ZNF385D: variants seen among roughly 807,000 people sequenced by gnomAD.
ZNF385D encodes the protein zinc finger protein 659.
In ZNF385D, 15 loss-of-function variants were observed where a neutral mutation model predicts 35.8. The ratio of observed to expected loss-of-function variants is 0.42; its 90% CI spans 0.28 to 0.64. ZNF385D has a LOEUF of 0.64. Among genes scored for constraint, ZNF385D ranks in the 30% least tolerant of loss-of-function variants. The pLI is 0.23. For synonymous variants in ZNF385D, 212 were observed against 186.8 expected (o/e 1.13, Z -1.10); for missense variants, 474 against 494.6 (o/e 0.96, Z 0.39).
chr3:22,043,383 C>A (rs550620447), intron 3 of ZNF385D, among the ~76,000 whole-genome samples: 2 of 152,078 alleles, frequency 1.3e-5, no homozygotes, highest in South Asian at 4.1e-4. Context: ...CGTACTGAAA[C>A]CATGCATGCT....
intron 1 of ZNF385D, among the ~76,000 whole-genome samples, chr3:21,679,796 G>A (rs1183710370): frequency 2.0e-5 from 3 of 152,060 alleles, no homozygotes; most frequent in Admixed American, 6.6e-5. Context: ...GATTGACCTC[G>A]ATAGAACTGT....
At chr3:21,574,314 C>T (rs6773387) in intron 2 of ZNF385D, among the ~76,000 whole-genome samples, 136,056 of 152,044 alleles carry the variant, frequency 0.89, 61,080 homozygotes, top group African/African-American at 0.97. Context: ...GAATAAAGTC[C>T]GCAAATTCCT....
chr3:21,684,888 G>A (rs2067054968), intron 1 of ZNF385D, among the ~76,000 whole-genome samples: 1 of 152,134 alleles, frequency 6.6e-6, no homozygotes, highest in African/African-American at 2.4e-5. Flanking sequence ...AAACTGGAGT[G>A]CTTCTTAGGA....
At chr3:22,079,321 C>T (rs984551674) in intron 3 of ZNF385D, among the ~76,000 whole-genome samples, 2 of 151,784 alleles carry the variant, frequency 1.3e-5, no homozygotes, top group Non-Finnish European at 2.9e-5. Flanking sequence ...CAAGGTGTTA[C>T]TGAAAAATAT....
intron 3 of ZNF385D, among the ~76,000 whole-genome samples, chr3:22,083,394 T>G (rs749841797): frequency 2.0e-5 from 3 of 152,138 alleles, no homozygotes; most frequent in Non-Finnish European, 2.9e-5. Context: ...TTAAATGACC[T>G]GATGGAGCTG....
In ZNF385D at chr3:21,927,770, T is replaced by C. The variant is rs181381616; in HGVS notation, c.325+241047A>G. On this transcript the variant is annotated intron_variant, in intron 3 of 5. Coordinates refer to the ZNF385D transcript ENST00000494108. ...TTATAATAAACTAGGGGACATTTTATTAGGGAGCTACACATTTACAAACAC... is the reference window on the plus strand; with the variant it reads ...TTATAATAAACTAGGGGACATTTTACTAGGGAGCTACACATTTACAAACAC... Among the ~76,000 whole-genome samples the C allele has an allele frequency of 1.0e-3, 152 of 152,296 alleles. 1 individual carries two copies. Among genetic ancestry groups the C allele is most frequent in the Non-Finnish European group, 1.0e-3 (69 of 68,016 alleles).
chr3:22,318,123 C>T (rs1704002553), intron 2 of ZNF385D, among the ~76,000 whole-genome samples: 1 of 151,516 alleles, frequency 6.6e-6, no homozygotes, highest in South Asian at 2.1e-4. Context: ...TGTGTTTTGG[C>T]TGTTAATATT....
intron 3 of ZNF385D, among the ~76,000 whole-genome samples, chr3:22,067,725 G>A (rs73822844): frequency 0.043 from 6,491 of 152,188 alleles, 473 homozygotes; most frequent in African/African-American, 0.15. Context: ...CAACTATTTA[G>A]AAATACAAAA....
chr3:22,147,644 C>T (rs966175235), intron 3 of ZNF385D, among the ~76,000 whole-genome samples: 10 of 152,044 alleles, frequency 6.6e-5, no homozygotes, highest in African/African-American at 1.7e-4. Flanking sequence ...CAACACCACT[C>T]GGAAAAAGAT....
At chr3:21,956,029 G>GA (rs1702267447) in intron 3 of ZNF385D, among the ~76,000 whole-genome samples, 2 of 151,510 alleles carry the variant, frequency 1.3e-5, no homozygotes, top group South Asian at 2.1e-4. Flanking sequence ...CTCTAAAAAA[G>GA]AAAAAAAATT....
At chr3:22,168,980 A>G in exon 3 of ZNF385D, 1 of 985,792 alleles carries the variant, frequency 1.0e-6, no homozygotes, top group Non-Finnish European at 1.2e-6. Context: ...GTTTTTCTTC[A>G]AAGTCATCAG....
At chr3:22,251,634 C>A (rs1404385248) in intron 2 of ZNF385D, among the ~76,000 whole-genome samples, 1 of 152,040 alleles carries the variant, frequency 6.6e-6, no homozygotes, top group African/African-American at 2.4e-5. Flanking sequence ...GTAGTGAATC[C>A]CTCCCCCATT....
At chr3:21,517,974 A>T (rs780106164) in intron 3 of ZNF385D, among the ~76,000 whole-genome samples, 2 of 152,160 alleles carry the variant, frequency 1.3e-5, no homozygotes, top group Non-Finnish European at 2.9e-5. Context: ...TCCATCCTGG[A>T]CACATTGAAC....
At chr3:22,063,197 T>C (rs1000696727) in intron 3 of ZNF385D, among the ~76,000 whole-genome samples, 26 of 152,170 alleles carry the variant, frequency 1.7e-4, no homozygotes, top group Admixed American at 9.2e-4. Flanking sequence ...AGTTTCTCTA[T>C]CTGAATAATG....
intron 3 of ZNF385D, among the ~76,000 whole-genome samples, chr3:21,986,134 A>AT (rs1285341435): frequency 2.5e-5 from 2 of 80,956 alleles, no homozygotes; most frequent in African/African-American, 8.9e-5. Context: ...GGATTCATTG[A>AT]TTTTTTGAAG....
chr3:22,286,584 C>T (rs147996921), intron 2 of ZNF385D, among the ~76,000 whole-genome samples: 1 of 152,100 alleles, frequency 6.6e-6, no homozygotes, highest in Non-Finnish European at 1.5e-5. Context: ...TTGCATAAGG[C>T]GATATGTGGT....
At chr3:21,449,159 G>A (rs947365953) in intron 4 of ZNF385D, among the ~76,000 whole-genome samples, 9 of 151,126 alleles carry the variant, frequency 6.0e-5, no homozygotes, top group African/African-American at 1.5e-4. Context: ...TATATTTTAC[G>A]GCAGAGTTAT....
At chr3:22,128,021 T>C (rs1186350751) in intron 3 of ZNF385D, among the ~76,000 whole-genome samples, 1 of 152,190 alleles carries the variant, frequency 6.6e-6, no homozygotes, top group Non-Finnish European at 1.5e-5. Context: ...TACATCCTTT[T>C]CTTTTAGATT....
At chr3:21,994,961 C>T (rs1695371084) in intron 3 of ZNF385D, among the ~76,000 whole-genome samples, 1 of 152,162 alleles carries the variant, frequency 6.6e-6, no homozygotes. Flanking sequence ...CACTTGAGCC[C>T]TCAGATGGCA....
Sources: gnomAD v4.1 joint callset for allele counts (sites outside exome capture counted in the v4.1 genomes callset) on GRCh38, gnomAD v4.1.1 for gene constraint, MANE v1.5 for transcripts, NCBI Gene and HGNC (gene_info 2026-07-23, HGNC 2026-07-21) for gene names.